The following NCKAP5 variants were observed in gnomAD, a reference collection of about 807,000 sequenced individuals.
NCKAP5 encodes the protein nck-associated protein 5.
NCKAP5 carries 92 observed loss-of-function variants against 167.0 expected under a neutral mutation model. The ratio of observed to expected loss-of-function variants is 0.55; its 90% CI spans 0.47 to 0.66. NCKAP5 has a LOEUF of 0.66. NCKAP5 is among the 30% of genes least tolerant of loss of function. The probability of loss-of-function intolerance (pLI) is 0.00; values close to 1 mark genes in which losing one functional copy is unlikely to be tolerated. For synonymous variants in NCKAP5, 891 were observed against 877.4 expected, an observed-to-expected ratio of 1.02 and a Z score of -0.27; for missense variants, 2,378 against 2,315.0, an observed-to-expected ratio of 1.03 and a Z score of -0.56.
At chr2:133,143,173 T>C (rs1175558857) in intron 5 of NCKAP5, among the ~76,000 whole-genome samples, 1 of 151,950 alleles carries the variant, frequency 6.6e-6, no homozygotes, top group Non-Finnish European at 1.5e-5. Flanking sequence ...AGACTCTATT[T>C]ATGATCAAAG....
intron 3 of NCKAP5, among the ~76,000 whole-genome samples, chr2:133,363,149 G>T (rs1183300037): frequency 2.6e-5 from 4 of 152,094 alleles, no homozygotes; most frequent in Admixed American, 6.5e-5. Flanking sequence ...AATTGAGGAG[G>T]TACAAGGTGG....
At chr2:133,242,727 A>C (rs1281177199) in intron 4 of NCKAP5, among the ~76,000 whole-genome samples, 1 of 152,154 alleles carries the variant, frequency 6.6e-6, no homozygotes, top group Non-Finnish European at 1.5e-5. Context: ...TTTGAAAAAC[A>C]GCGAAGACAC....
intron 3 of NCKAP5, among the ~76,000 whole-genome samples, chr2:133,303,665 A>C (rs1680567437): frequency 6.6e-6 from 1 of 152,094 alleles, no homozygotes. Context: ...TTAAACATAA[A>C]TCTTTGGCTT....
In NCKAP5 at chr2:132,875,175, C is replaced by T. The variant is rs114415043; in HGVS notation, c.648+3673G>A. Among the ~76,000 whole-genome samples the T allele has an allele frequency of 3.3e-3, 495 of 152,218 alleles. 1 individual carries two copies. The highest frequency in any genetic ancestry group is 0.011 in the African/African-American group (454 of 41,546). On this transcript the variant is annotated intron_variant, in intron 9 of 19. Transcript: ENST00000409261. ...AAAAAAACAGAAAGCCCAGGCTCCA[C>T]CCAAGAGCAGAGTCAGATGGGAATC... is the stretch of plus-strand genomic sequence containing the variant.
At chr2:133,236,070 CAA>C (rs527705526) in intron 4 of NCKAP5, among the ~76,000 whole-genome samples, 9 of 15,672 alleles carry the variant, frequency 5.7e-4, no homozygotes, top group African/African-American at 1.3e-3. Flanking sequence ...TGTCTCAGAC[CAA>C]AAAAAAAAAA....
At chr2:132,687,998 C>T (rs953124325) in intron 19 of NCKAP5, among the ~76,000 whole-genome samples, 1 of 152,164 alleles carries the variant, frequency 6.6e-6, no homozygotes, top group Non-Finnish European at 1.5e-5. Flanking sequence ...GAATGGCAAT[C>T]AGGGTTTTGC....
At chr2:133,540,220 A>G (rs557323766) in intron 2 of NCKAP5, among the ~76,000 whole-genome samples, 6 of 152,326 alleles carry the variant, frequency 3.9e-5, no homozygotes, top group Admixed American at 3.9e-4. Context: ...GCATATCAAC[A>G]TGTATACTAT....
chr2:133,341,285 T>G (rs1247269212), intron 3 of NCKAP5, among the ~76,000 whole-genome samples: 5 of 27,362 alleles, frequency 1.8e-4, no homozygotes, highest in Non-Finnish European at 3.6e-4. Context: ...AGTGAGCAGA[T>G]TTTTTTTTTT....
At chr2:133,511,165 T>C (rs578003076) in intron 3 of NCKAP5, among the ~76,000 whole-genome samples, 8 of 152,312 alleles carry the variant, frequency 5.3e-5, no homozygotes, top group Non-Finnish European at 8.8e-5. Context: ...TCTACTTCCG[T>C]CCTCCATTCA....
chr2:132,737,880 G>A (rs932965809), intron 16 of NCKAP5, among the ~76,000 whole-genome samples: 1 of 152,178 alleles, frequency 6.6e-6, no homozygotes, highest in Non-Finnish European at 1.5e-5. Flanking sequence ...AGTGGCTCCT[G>A]CTCCATGATT....
At chr2:133,144,404 T>C (rs1339331661) in intron 5 of NCKAP5, among the ~76,000 whole-genome samples, 1 of 152,052 alleles carries the variant, frequency 6.6e-6, no homozygotes, top group Admixed American at 6.6e-5. Flanking sequence ...TTACCAGCTA[T>C]AACAAAAAAA....
chr2:133,592,522 C>T, the NCKAP5 span, among the ~76,000 whole-genome samples: 2 of 152,336 alleles, frequency 1.3e-5, no homozygotes, highest in Admixed American at 6.5e-5. Flanking sequence ...ATACCTTAGA[C>T]TTTGCCTGGA....
At chr2:132,946,934 C>T (rs550156182) in intron 8 of NCKAP5, among the ~76,000 whole-genome samples, 57 of 152,234 alleles carry the variant, frequency 3.7e-4, no homozygotes, top group African/African-American at 1.3e-3. Context: ...CAAATTATTA[C>T]AGGATGTATT....
chr2:132,842,286 C>G (rs144533635), intron 11 of NCKAP5, among the ~76,000 whole-genome samples: 2 of 151,880 alleles, frequency 1.3e-5, no homozygotes, highest in Non-Finnish European at 2.9e-5. Flanking sequence ...ATTTTTCTCC[C>G]TCATTCTTAT....
chr2:133,621,989 C>T, the NCKAP5 span, among the ~76,000 whole-genome samples: 1 of 151,802 alleles, frequency 6.6e-6, no homozygotes, highest in African/African-American at 2.4e-5. Flanking sequence ...TATATGTAAG[C>T]CAGTAAATGT....
At chr2:132,806,862 G>A (rs1245229536) in intron 11 of NCKAP5, among the ~76,000 whole-genome samples, 1 of 152,044 alleles carries the variant, frequency 6.6e-6, no homozygotes, top group Non-Finnish European at 1.5e-5. Flanking sequence ...TGTCTAGAAG[G>A]GTTTTTCCAA....
chr2:132,967,869 G>C (rs1372980369), intron 7 of NCKAP5, among the ~76,000 whole-genome samples: 5 of 152,342 alleles, frequency 3.3e-5, no homozygotes, highest in African/African-American at 1.2e-4. Flanking sequence ...AGAGTGGTGT[G>C]GTTAGGGGCA....
At chr2:133,618,706 G>A in the NCKAP5 span, among the ~76,000 whole-genome samples, 1 of 151,814 alleles carries the variant, frequency 6.6e-6, no homozygotes, top group African/African-American at 2.4e-5. Context: ...CACTGTTGGT[G>A]GGACTGTAAA....
At chr2:132,982,112 G>A (rs1245017134) in intron 7 of NCKAP5, among the ~76,000 whole-genome samples, 1 of 152,174 alleles carries the variant, frequency 6.6e-6, no homozygotes, top group Non-Finnish European at 1.5e-5. Flanking sequence ...CTATGTGAAG[G>A]GGAAGAACAG....
Sources: gnomAD v4.1 joint callset for allele counts (sites outside exome capture counted in the v4.1 genomes callset) on GRCh38, gnomAD v4.1.1 for gene constraint, MANE v1.5 for transcripts, NCBI Gene and HGNC (gene_info 2026-07-23, HGNC 2026-07-21) for gene names.